RBFOX1: variants seen among roughly 807,000 people sequenced by gnomAD.
RBFOX1 encodes RNA binding protein fox-1 homolog 1.
RBFOX1 carries 8 observed loss-of-function variants against 57.7 expected under a neutral mutation model. The observed-to-expected ratio is 0.14, with a 90% CI of 0.08 to 0.25. RBFOX1 has a LOEUF of 0.25. Among genes scored for constraint, RBFOX1 ranks in the 10% least tolerant of loss-of-function variants. RBFOX1 has a pLI of 1.00. For synonymous variants in RBFOX1, 326 were observed against 222.4 expected (o/e 1.47, Z -4.15); for missense variants, 611 against 548.5 (o/e 1.11, Z -1.14).
At chr16:5,558,146 A>G (rs967549773) in intron 2 of RBFOX1, among the ~76,000 whole-genome samples, 4 of 152,242 alleles carry the variant, frequency 2.6e-5, no homozygotes, top group Admixed American at 1.3e-4. Flanking sequence ...GTGTGATCCA[A>G]TTCTTCCGGT....
At chr16:5,804,710 G>A (rs1300852315) in intron 3 of RBFOX1, among the ~76,000 whole-genome samples, 6 of 152,112 alleles carry the variant, frequency 3.9e-5, no homozygotes, top group African/African-American at 1.4e-4. Context: ...TCAGCAAGTT[G>A]GTCCTGGACA....
At chr16:7,345,000 C>T (rs1482058012) in intron 4 of RBFOX1, among the ~76,000 whole-genome samples, 1 of 151,214 alleles carries the variant, frequency 6.6e-6, no homozygotes, top group Non-Finnish European at 1.5e-5. Context: ...CCTGGCTCCT[C>T]GTGGAGAAGA....
At chr16:6,105,711 C>T (rs1465946777) in intron 1 of RBFOX1, among the ~76,000 whole-genome samples, 1 of 150,714 alleles carries the variant, frequency 6.6e-6, no homozygotes, top group African/African-American at 2.4e-5. Context: ...TAAATTAATT[C>T]CCTTGTCATT....
At chr16:7,456,579 A>C (rs999884905) in intron 4 of RBFOX1, among the ~76,000 whole-genome samples, 3 of 152,268 alleles carry the variant, frequency 2.0e-5, no homozygotes, top group African/African-American at 7.2e-5. Flanking sequence ...AGTCATTTCA[A>C]ATTGATTTTA....
intron 3 of RBFOX1, among the ~76,000 whole-genome samples, chr16:5,846,556 T>C (rs2056762874): frequency 6.6e-6 from 1 of 152,146 alleles, no homozygotes; most frequent in Non-Finnish European, 1.5e-5. Context: ...CTCAGGTGGG[T>C]GACCAGGTGT....
chr16:5,464,904 C>T (rs2068905684), intron 1 of RBFOX1, among the ~76,000 whole-genome samples: 1 of 152,096 alleles, frequency 6.6e-6, no homozygotes, highest in Admixed American at 6.5e-5. Flanking sequence ...CTGTTCAGCC[C>T]CTGTGTGCAG....
At chr16:5,849,528 T>G (rs1273941172) in intron 3 of RBFOX1, among the ~76,000 whole-genome samples, 1 of 152,094 alleles carries the variant, frequency 6.6e-6, no homozygotes, top group Non-Finnish European at 1.5e-5. Flanking sequence ...GGTCCTTCTC[T>G]GATTCCATGG....
At chr16:6,663,455 T>G (rs1485083951) in intron 3 of RBFOX1, among the ~76,000 whole-genome samples, 1 of 151,838 alleles carries the variant, frequency 6.6e-6, no homozygotes, top group Non-Finnish European at 1.5e-5. Context: ...GGAGTAGGAG[T>G]GGACTAGATC....
At chr16:6,793,529 G>C (rs145210781) in intron 3 of RBFOX1, among the ~76,000 whole-genome samples, 1 of 152,028 alleles carries the variant, frequency 6.6e-6, no homozygotes. Flanking sequence ...AACATTTCTA[G>C]GTCTTTGTTA....
intron 1 of RBFOX1, among the ~76,000 whole-genome samples, chr16:5,396,530 T>C (rs938591813): frequency 2.0e-5 from 3 of 152,098 alleles, no homozygotes; most frequent in African/African-American, 7.2e-5. Context: ...TATTCCCAAC[T>C]ACTCAGGAGG....
At position 6,683,667 on chromosome 16, in the gene RBFOX1, C is replaced by T. The variant is rs570925567; in HGVS notation, c.-16+29017C>T. 4.3e-4 allele frequency among the ~76,000 whole-genome samples: 65 copies of T among 152,180 alleles called. 1 individual carries two copies. Among genetic ancestry groups the T allele is most frequent in the Admixed American group, 1.6e-3 (24 of 15,270 alleles). On this transcript the variant is annotated intron_variant, in intron 3 of 15. Coordinates refer to ENST00000550418, the MANE Select transcript of RBFOX1 (RefSeq NM_018723.4). The stretch of plus-strand genomic sequence containing the variant: ...CAAATGGCTCATACCAGGTTTAAGG[C>T]GAAAGCAAGCCCTCAGATCTGCACA...
At chr16:5,860,510 A>C (rs747080958) in intron 3 of RBFOX1, among the ~76,000 whole-genome samples, 14 of 152,184 alleles carry the variant, frequency 9.2e-5, no homozygotes, top group Non-Finnish European at 1.0e-4. Context: ...GCTTGCTCCC[A>C]TTTGTCAAGG....
At chr16:7,287,503 C>T (rs1209824185) in intron 4 of RBFOX1, among the ~76,000 whole-genome samples, 2 of 152,194 alleles carry the variant, frequency 1.3e-5, no homozygotes, top group African/African-American at 2.4e-5. Context: ...GTATTCCCCA[C>T]AGGCCATGGT....
At chr16:7,324,974 T>G (rs2096592519) in intron 4 of RBFOX1, among the ~76,000 whole-genome samples, 1 of 152,234 alleles carries the variant, frequency 6.6e-6, no homozygotes, top group Non-Finnish European at 1.5e-5. Context: ...TGTTAATTCC[T>G]GGGTCTTAGT....
chr16:7,279,589 A>T (rs930361555), intron 4 of RBFOX1, among the ~76,000 whole-genome samples: 6 of 152,170 alleles, frequency 3.9e-5, no homozygotes, highest in Non-Finnish European at 5.9e-5. Flanking sequence ...GCCACGTTAG[A>T]CATCAAAATA....
intron 3 of RBFOX1, among the ~76,000 whole-genome samples, chr16:6,862,293 G>A (rs894582241): frequency 6.6e-6 from 1 of 152,182 alleles, no homozygotes; most frequent in African/African-American, 2.4e-5. Context: ...GGTCTGGAGT[G>A]GAGACTGTTT....
At chr16:7,273,197 C>CCTCT (rs2095366503) in intron 4 of RBFOX1, among the ~76,000 whole-genome samples, 1 of 62,748 alleles carries the variant, frequency 1.6e-5, no homozygotes, top group African/African-American at 9.0e-5. Context: ...TCCCTTCCTT[C>CCTCT]CTCCCTCCCT....
At chr16:6,411,093 T>G (rs2093445021) in intron 2 of RBFOX1, among the ~76,000 whole-genome samples, 1 of 152,194 alleles carries the variant, frequency 6.6e-6, no homozygotes, top group Non-Finnish European at 1.5e-5. Context: ...GAAAACCAAC[T>G]GGATGTCCCG....
chr16:6,575,145 C>A (rs544200232), intron 2 of RBFOX1, among the ~76,000 whole-genome samples: 1 of 151,694 alleles, frequency 6.6e-6, no homozygotes, highest in Non-Finnish European at 1.5e-5. Flanking sequence ...GATTACGACA[C>A]GTTGTTTGAA....
Sources: allele counts gnomAD v4.1 joint callset (sites outside exome capture counted in the v4.1 genomes callset), GRCh38; gene constraint gnomAD v4.1.1; transcripts MANE v1.5; gene names NCBI Gene and HGNC (gene_info 2026-07-23, HGNC 2026-07-21).